GALNTL6: variants seen among roughly 807,000 people sequenced by gnomAD.
GALNTL6 encodes the protein polypeptide N-acetylgalactosaminyltransferase like 6.
Under a neutral mutation model 73.7 loss-of-function variants are expected in GALNTL6, and 46 were observed. That is an observed-to-expected ratio of 0.62 (90% CI 0.49 to 0.80). GALNTL6 has a LOEUF of 0.80. Among genes scored for constraint, GALNTL6 ranks in the 30% least tolerant of loss-of-function variants. GALNTL6 has a pLI of 0.00. For synonymous variants in GALNTL6, 259 were observed against 263.7 expected (o/e 0.98, Z 0.17); for missense variants, 604 against 755.0 (o/e 0.80, Z 2.34).
chr4:172,059,783 A>G (rs1379499178), intron 2 of GALNTL6, among the ~76,000 whole-genome samples: 1 of 152,226 alleles, frequency 6.6e-6, no homozygotes, highest in Admixed American at 6.5e-5. Flanking sequence ...AAGTCAAACC[A>G]CTAGTAAGTG....
At chr4:172,129,135 C>T (rs1347079317) in intron 2 of GALNTL6, among the ~76,000 whole-genome samples, 1 of 152,148 alleles carries the variant, frequency 6.6e-6, no homozygotes, top group Non-Finnish European at 1.5e-5. Context: ...CCCTTTAAGA[C>T]TCTTATCTCT....
At chr4:172,028,353 T>C (rs1478859271) in intron 2 of GALNTL6, among the ~76,000 whole-genome samples, 1 of 151,902 alleles carries the variant, frequency 6.6e-6, no homozygotes, top group African/African-American at 2.4e-5. Flanking sequence ...CTTCAGCAAA[T>C]ATGGAATGAA....
At chr4:172,140,234 A>G (rs1733765130) in intron 2 of GALNTL6, among the ~76,000 whole-genome samples, 1 of 152,116 alleles carries the variant, frequency 6.6e-6, no homozygotes, top group Non-Finnish European at 1.5e-5. Context: ...ATGTTGCAGA[A>G]AAAGGTGTCA....
intron 5 of GALNTL6, among the ~76,000 whole-genome samples, chr4:172,605,897 A>G (rs988618907): frequency 6.6e-6 from 1 of 152,110 alleles, no homozygotes; most frequent in African/African-American, 2.4e-5. Context: ...ATAGGATACC[A>G]TCTCACAGAT....
rs1203103416 is a variant in GALNTL6 at position 172,787,751 on chromosome 4, T to C, written c.554-21610T>C. Reference sequence around the variant, plus strand: ...TGACGAGTAGAAGAGGAGCCTGTCATAGACTCACAGAATCATAAAAGCCAA... The same window carrying C: ...TGACGAGTAGAAGAGGAGCCTGTCACAGACTCACAGAATCATAAAAGCCAA... On this transcript the variant is annotated intron_variant, in intron 5 of 12. Coordinates refer to ENST00000506823, the MANE Select transcript of GALNTL6 (RefSeq NM_001034845.3). Among the ~76,000 whole-genome samples the C allele has an allele frequency of 3.9e-5, 6 of 152,236 alleles. No individual in the cohort carries two copies. In the East Asian group the frequency reaches 1.2e-3, roughly 29 times the overall value.
At chr4:172,615,166 T>C (rs993416836) in intron 5 of GALNTL6, among the ~76,000 whole-genome samples, 3 of 145,766 alleles carry the variant, frequency 2.1e-5, no homozygotes, top group African/African-American at 5.3e-5. Flanking sequence ...CCCAAACACA[T>C]GCTGTTAATA....
intron 5 of GALNTL6, among the ~76,000 whole-genome samples, chr4:172,589,077 A>G (rs1410551674): frequency 6.6e-6 from 1 of 152,198 alleles, no homozygotes; most frequent in African/African-American, 2.4e-5. Flanking sequence ...AACATTTTAT[A>G]TGGCCAATTT....
chr4:172,614,794 T>C (rs889106222), intron 5 of GALNTL6, among the ~76,000 whole-genome samples: 1 of 152,144 alleles, frequency 6.6e-6, no homozygotes, highest in African/African-American at 2.4e-5. Context: ...AAGGTGGGTG[T>C]TGTGAATCAA....
At chr4:171,942,983 T>C (rs2111016891) in intron 2 of GALNTL6, among the ~76,000 whole-genome samples, 1 of 152,304 alleles carries the variant, frequency 6.6e-6, no homozygotes, top group South Asian at 2.1e-4. Flanking sequence ...AGAGCCTTAT[T>C]TACTGGTATG....
chr4:171,856,284 T>C (rs1735690680), intron 2 of GALNTL6, among the ~76,000 whole-genome samples: 1 of 151,662 alleles, frequency 6.6e-6, no homozygotes. Context: ...TGTATTTTTT[T>C]TTTTTTTTTA....
chr4:172,253,971 C>G (rs944382825), intron 3 of GALNTL6, among the ~76,000 whole-genome samples: 4 of 151,678 alleles, frequency 2.6e-5, no homozygotes, highest in African/African-American at 9.7e-5. Flanking sequence ...CACTAATGGG[C>G]ACTAAAATAT....
intron 2 of GALNTL6, among the ~76,000 whole-genome samples, chr4:172,132,668 T>C (rs551088490): frequency 6.6e-6 from 1 of 152,288 alleles, no homozygotes; most frequent in African/African-American, 2.4e-5. Context: ...TCTATTTGTG[T>C]TTTTACTAGA....
chr4:171,925,890 C>T (rs999923251), intron 2 of GALNTL6, among the ~76,000 whole-genome samples: 1 of 151,994 alleles, frequency 6.6e-6, no homozygotes, highest in African/African-American at 2.4e-5. Flanking sequence ...AAAAGTACTT[C>T]TTATATAGCT....
At chr4:172,759,481 A>G (rs1185110122) in intron 5 of GALNTL6, among the ~76,000 whole-genome samples, 1 of 152,208 alleles carries the variant, frequency 6.6e-6, no homozygotes, top group East Asian at 1.9e-4. Context: ...ATGCAATCAT[A>G]TATGTCATAC....
intron 5 of GALNTL6, among the ~76,000 whole-genome samples, chr4:172,594,173 C>A (rs879639722): frequency 7.2e-5 from 11 of 151,950 alleles, no homozygotes; most frequent in Non-Finnish European, 1.5e-4. Context: ...GGTGAAACCC[C>A]ATCTCTACTA....
intron 2 of GALNTL6, among the ~76,000 whole-genome samples, chr4:171,834,344 A>C (rs1474871330): frequency 1.3e-5 from 2 of 151,944 alleles, no homozygotes; most frequent in African/African-American, 4.8e-5. Flanking sequence ...TTCATGCCTC[A>C]GTTTAGCTCA....
intron 5 of GALNTL6, among the ~76,000 whole-genome samples, chr4:172,659,551 CT>C (rs1251534417): frequency 6.6e-6 from 1 of 151,720 alleles, no homozygotes; most frequent in African/African-American, 2.4e-5. Flanking sequence ...TTCTCAGCCT[CT>C]GGTAACCACC....
chr4:171,938,773 C>T (rs968761544), intron 2 of GALNTL6, among the ~76,000 whole-genome samples: 5 of 151,994 alleles, frequency 3.3e-5, no homozygotes, highest in African/African-American at 1.2e-4. Flanking sequence ...TCCTATTTTG[C>T]AAAGCTAGGG....
intron 5 of GALNTL6, among the ~76,000 whole-genome samples, chr4:172,755,526 G>A (rs1737705824): frequency 6.6e-6 from 1 of 152,154 alleles, no homozygotes; most frequent in African/African-American, 2.4e-5. Context: ...CTTGCACACT[G>A]CTGGTTCACA....
Sources: gnomAD v4.1 joint callset for allele counts (sites outside exome capture counted in the v4.1 genomes callset) on GRCh38, gnomAD v4.1.1 for gene constraint, MANE v1.5 for transcripts, NCBI Gene and HGNC (gene_info 2026-07-23, HGNC 2026-07-21) for gene names.